MGAT5B: variants seen among roughly 807,000 people sequenced by gnomAD.
The protein encoded by MGAT5B is N-acetylglucosaminyl-transferase Vb.
Under a neutral mutation model 95.1 loss-of-function variants are expected in MGAT5B, and 54 were observed. The observed-to-expected ratio is 0.57, with a 90% CI of 0.46 to 0.71. The LOEUF is 0.71. Ranked by LOEUF, MGAT5B falls within the 30% of genes least tolerant of loss-of-function variation. The pLI is 0.00. For missense variants in MGAT5B, 935 were observed against 1,088.6 expected (o/e 0.86, Z 1.99); for synonymous variants, 464 against 451.0 (o/e 1.03, Z -0.36).
At chr17:76,887,559 CTT>C (rs368014884) in intron 3 of MGAT5B, among the ~76,000 whole-genome samples, 19 of 98,204 alleles carry the variant, frequency 1.9e-4, no homozygotes, top group East Asian at 6.3e-4. Context: ...TTTTTCTTTT[CTT>C]TTTTTTTTTT....
intron 8 of MGAT5B, among the ~76,000 whole-genome samples, chr17:76,919,860 A>G (rs1448164702): frequency 6.6e-6 from 1 of 152,180 alleles, no homozygotes; most frequent in African/African-American, 2.4e-5. Context: ...CCATCTCCAG[A>G]TTTCTTCTTG....
intron 3 of MGAT5B, among the ~76,000 whole-genome samples, chr17:76,893,302 G>A (rs2145162256): frequency 6.6e-6 from 1 of 152,240 alleles, no homozygotes; most frequent in East Asian, 1.9e-4. Context: ...CACCGAGCAG[G>A]CACATGGTAA....
chr17:76,905,095 C>T lies in MGAT5B; in HGVS notation c.691-74C>T. The stretch of plus-strand genomic sequence containing the variant: ...CAGCCTCATGGGAGGGTGCCAGCCC[C>T]TGTCCCCAGGCCAGCGGGGAATGAT... On this transcript the variant is annotated intron_variant, in intron 6 of 17. Transcript: ENST00000569840. This position sits in a 1 kb window ranked among gnomAD's most constrained non-coding sequence, Gnocchi z 4.2. 6.7e-7 allele frequency: 1 copy of T among 1,485,376 alleles called. No individual in the cohort carries two copies. The highest frequency in any genetic ancestry group is 9.1e-7 in the Non-Finnish European group (1 of 1,103,422). The allele number at this position is 1,485,376 out of a possible 1,614,324, so 92.0% of individuals were successfully genotyped here. A position where few individuals can be genotyped will look rare whatever the true frequency, so the allele number is the denominator to read the frequency against.
Position 76,902,683 on chromosome 17 carries a change from G to A in MGAT5B, c.445+13G>A, listed in dbSNP as rs1295543862. ...CTGCACAGCAAGGGTGGGTGCCAGGGGGCGGGGGTACCCTCTACCCCTAGG... is the reference window on the plus strand; with the variant it reads ...CTGCACAGCAAGGGTGGGTGCCAGGAGGCGGGGGTACCCTCTACCCCTAGG... On this transcript the variant is annotated intron_variant, in intron 4 of 17. Transcript: ENST00000569840. 2 of 1,559,988 alleles carry A rather than the reference G, an allele frequency of 1.3e-6. No homozygotes were observed. Among genetic ancestry groups the A allele is most frequent in the African/African-American group, 1.4e-5 (1 of 73,482 alleles).
rs1472996562 is a variant in MGAT5B at position 76,938,044 on chromosome 17, G to C, written c.1485G>C (p.Val495=). 1 of 1,614,136 alleles carries C rather than the reference G, an allele frequency of 6.2e-7. No homozygotes were observed. The highest frequency in any genetic ancestry group is 8.5e-7 in the Non-Finnish European group (1 of 1,180,052). ...LNKYMEIHGT[V]YYESQRPPEV... ...AATACATGGAGATCCATGGCACCGTGTACTACGAGAGCCAGCGGCCCCCCG... is the reference window on the plus strand; with the variant it reads ...AATACATGGAGATCCATGGCACCGTCTACTACGAGAGCCAGCGGCCCCCCG... The change falls in exon 13 of 18, where the codon GTG becomes GTC. Residue 495 remains valine, a synonymous_variant. Coordinates refer to ENST00000569840, the MANE Select transcript of MGAT5B (RefSeq NM_001199172.2). The surrounding 1 kb of genome is among the most constrained non-coding windows in gnomAD (Gnocchi z 4.3).
Position 76,914,169 on chromosome 17 carries a change from G to C in MGAT5B, c.1025+7982G>C. 5.4e-6 allele frequency: 1 copy of C among 184,196 alleles called. No individual in the cohort carries two copies. 11.4% of individuals were successfully genotyped at this position (184,196 alleles called of 1,614,324 possible). ...AAGGAAGGAGAGAGAGAAAGAAAGAGAATTTGGCCACAAAGATGTCATTGC... is the reference window on the plus strand; with the variant it reads ...AAGGAAGGAGAGAGAGAAAGAAAGACAATTTGGCCACAAAGATGTCATTGC... On this transcript the variant is annotated intron_variant, in intron 8 of 17. Coordinates refer to ENST00000569840, the MANE Select transcript of MGAT5B (RefSeq NM_001199172.2). The surrounding 1 kb of genome is among the most constrained non-coding windows in gnomAD (Gnocchi z 5.1).
At chr17:76,948,158 A>C (rs776728840) in intron 17 of MGAT5B, 72 bp downstream of exon 17, 1,046 of 1,515,204 alleles carry the variant, frequency 6.9e-4, no homozygotes, top group Non-Finnish European at 8.5e-4. Flanking sequence ...GAGAGCTCTC[A>C]TGCCCAGAAC....
At chr17:76,947,739 C>A in intron 16 of MGAT5B, 91 bp from the exon 17 acceptor site, 1 of 1,459,088 alleles carries the variant, frequency 6.9e-7, no homozygotes, top group Non-Finnish European at 9.0e-7. Flanking sequence ...AGTGGTGGCT[C>A]GTACTGGCAC....
chr17:76,932,656 G>A lies in MGAT5B; in HGVS notation c.1303G>A (p.Asp435Asn). 1 of 1,613,644 alleles carries A rather than the reference G, an allele frequency of 6.2e-7. No individual in the cohort carries two copies. The highest frequency in any genetic ancestry group is 8.5e-7 in the Non-Finnish European group (1 of 1,179,750). Residue 435 changes from aspartate (D) to asparagine (N), a missense_variant, in exon 11 of 18, where the codon GAC becomes AAC. Transcript: ENST00000569840. Reference sequence around the variant, plus strand: ...TGCTCGGGCTGCAGCTCATACCCCCGACAACTCCTTCATGGGCTTCGTGTC... The same window carrying A: ...TGCTCGGGCTGCAGCTCATACCCCCAACAACTCCTTCATGGGCTTCGTGTC... ...QFMTMFPHTP[D>N]NSFMGFVSEE...
At chr17:76,886,934 C>T (rs1967651770) in intron 3 of MGAT5B, among the ~76,000 whole-genome samples, 1 of 152,162 alleles carries the variant, frequency 6.6e-6, no homozygotes, top group Admixed American at 6.5e-5. Context: ...GTCTCAGCTA[C>T]TTGGGAGGCT....
At chr17:76,887,435 C>T (rs1206731671) in intron 3 of MGAT5B, among the ~76,000 whole-genome samples, 1 of 137,618 alleles carries the variant, frequency 7.3e-6, no homozygotes, top group Non-Finnish European at 1.6e-5. Context: ...CTTTCTTTCC[C>T]TCCCTCCCTC....
At position 76,872,653 on chromosome 17, in the gene MGAT5B, A is replaced by G. The variant is rs1323847236; in HGVS notation, c.69-198A>G. ...GTTTCTCGTGTGGCTCGAGGCCAGCATCTTGTAGTTGAGCTCTCTTTATCC... is the reference window on the plus strand; with the variant it reads ...GTTTCTCGTGTGGCTCGAGGCCAGCGTCTTGTAGTTGAGCTCTCTTTATCC... On this transcript the variant is annotated intron_variant, in intron 1 of 17. Transcript: ENST00000569840. 5 of 1,474,920 alleles carry G rather than the reference A, an allele frequency of 3.4e-6. No homozygotes were observed. The Admixed American group carries it at 9.7e-5, about 28-fold the overall frequency. 91.4% of individuals were successfully genotyped at this position (1,474,920 alleles called of 1,614,324 possible). A position where few individuals can be genotyped will look rare whatever the true frequency, so the allele number is the denominator to read the frequency against.
chr17:76,924,642 GA>G (rs1969239068), intron 8 of MGAT5B, among the ~76,000 whole-genome samples: 1 of 152,216 alleles, frequency 6.6e-6, no homozygotes, highest in South Asian at 2.1e-4. Context: ...GAAAGTTAGA[GA>G]AAGGCTCCCT....
Position 76,932,627 on chromosome 17 carries a change from T to C in MGAT5B, c.1292-18T>C, listed in dbSNP as rs780729551. The C allele has an allele frequency of 1.2e-6, 2 of 1,612,486 alleles. No homozygotes were observed. The highest frequency in any genetic ancestry group is 1.1e-5 in the South Asian group (1 of 91,050). On this transcript the variant is annotated intron_variant, in intron 10 of 17. Coordinates refer to ENST00000569840, the MANE Select transcript of MGAT5B (RefSeq NM_001199172.2). Reference sequence around the variant, plus strand: ...GGTTGTTTGGTGACCCCATTCCTTCTGCGTGCTCGGGCTGCAGCTCATACC... The same window carrying C: ...GGTTGTTTGGTGACCCCATTCCTTCCGCGTGCTCGGGCTGCAGCTCATACC...
Position 76,914,523 on chromosome 17 carries a change from C to T in MGAT5B, c.1025+8336C>T, listed in dbSNP as rs76993647. On this transcript the variant is annotated intron_variant, in intron 8 of 17. Coordinates refer to ENST00000569840, the MANE Select transcript of MGAT5B (RefSeq NM_001199172.2). The surrounding 1 kb of genome is among the most constrained non-coding windows in gnomAD (Gnocchi z 5.1). ...TGAAGGCACTAGGGAAGCGTCAGTC[C>T]CAGCCTCTCCCCTGTCTTCTGGTAG... Among the ~76,000 whole-genome samples the T allele has an allele frequency of 8.1e-3, 1,240 of 152,330 alleles. 21 individuals carry two copies. The highest frequency in any genetic ancestry group is 0.027 in the African/African-American group (1,107 of 41,576).
intron 2 of MGAT5B, 26 bp from the exon 3 acceptor site, chr17:76,882,124 CT>C (rs1293929890): frequency 1.1e-5 from 17 of 1,590,282 alleles, no homozygotes; most frequent in Non-Finnish European, 1.5e-5. Context: ...CGGGCCTCCC[CT>C]AACCATACCC....
intron 8 of MGAT5B, among the ~76,000 whole-genome samples, chr17:76,907,566 A>G (rs377353577): frequency 6.6e-6 from 1 of 152,196 alleles, no homozygotes; most frequent in East Asian, 1.9e-4. Context: ...ACTGCTATAT[A>G]ATATTCCATT....
chr17:76,943,100 C>A (rs1244042563), intron 15 of MGAT5B, among the ~76,000 whole-genome samples: 1 of 151,918 alleles, frequency 6.6e-6, no homozygotes, highest in African/African-American at 2.4e-5. Context: ...CTGCGATAGT[C>A]GCGGGTATTT....
chr17:76,894,578 G>A (rs4789368), intron 3 of MGAT5B, among the ~76,000 whole-genome samples: 54,343 of 151,852 alleles, frequency 0.36, 10,812 homozygotes, highest in East Asian at 0.59. Context: ...ATTTTAGGCT[G>A]TGCGCAGTGG....
Sources: gnomAD v4.1 joint callset for allele counts (sites outside exome capture counted in the v4.1 genomes callset) on GRCh38, gnomAD v4.1.1 for gene constraint, Gnocchi (gnomAD v3.1) non-coding constraint, MANE v1.5 for transcripts, NCBI Gene and HGNC (gene_info 2026-07-23, HGNC 2026-07-21) for gene names.